ZNF207: variants seen among roughly 807,000 people sequenced by gnomAD.
ZNF207 encodes BUB3-interacting and GLEBS motif-containing protein ZNF207.
ZNF207 carries 24 observed loss-of-function variants against 60.2 expected under a neutral mutation model. The ratio of observed to expected loss-of-function variants is 0.40; its 90% confidence interval spans 0.29 to 0.56. The LOEUF (loss-of-function observed/expected upper bound fraction) is 0.56, where lower values mean the gene tolerates loss of function less well. ZNF207 is among the 20% of genes least tolerant of loss of function. The probability of loss-of-function intolerance (pLI) is 0.49; values close to 1 mark genes in which losing one functional copy is unlikely to be tolerated. For missense variants in ZNF207, 452 were observed against 636.6 expected, an observed-to-expected ratio of 0.71 and a Z score of 3.12; for synonymous variants, 236 against 194.7, an observed-to-expected ratio of 1.21 and a Z score of -1.77.
chr17:32,354,727 C>T (rs1226795960), intron 2 of ZNF207, among the ~76,000 whole-genome samples: 1 of 152,086 alleles, frequency 6.6e-6, no homozygotes, highest in African/African-American at 2.4e-5. Flanking sequence ...AATTCTCCTG[C>T]CTCAGCCTCT....
chr17:32,358,282 TA>T (rs1415687404), intron 2 of ZNF207, among the ~76,000 whole-genome samples: 1 of 152,176 alleles, frequency 6.6e-6, no homozygotes, highest in Non-Finnish European at 1.5e-5. Flanking sequence ...TATTTAATCC[TA>T]AAAACAACTC....
Position 32,360,638 on chromosome 17 carries a change from T to C in ZNF207, c.348T>C (p.Tyr116=). The C allele has an allele frequency of 6.2e-7, 1 of 1,613,420 alleles. No homozygotes were observed. Among genetic ancestry groups the C allele is most frequent in the East Asian group, 2.2e-5 (1 of 44,884 alleles). Residue 116 remains tyrosine, a synonymous_variant, in exon 4 of 12, where the codon TAT becomes TAC. Transcript: ENST00000394670. ...AGCAACAAGATGATTCTGATGAATATGATGATGACGACTCTGCAGCCTCAA... is the reference window on the plus strand; with the variant it reads ...AGCAACAAGATGATTCTGATGAATACGATGATGACGACTCTGCAGCCTCAA... ...KKKQQDDSDE[Y]DDDDSAASTS...
intron 1 of ZNF207, chr17:32,350,854 T>C (rs1425913167): frequency 6.6e-6 from 1 of 151,734 alleles, no homozygotes; most frequent in Non-Finnish European, 1.5e-5. Flanking sequence ...TTTTTTTTTT[T>C]TCTTTTCGGG....
intron 2 of ZNF207, among the ~76,000 whole-genome samples, chr17:32,358,078 C>T (rs528996313): frequency 2.6e-5 from 4 of 152,326 alleles, no homozygotes; most frequent in African/African-American, 9.6e-5. Flanking sequence ...CCTCGCCTGG[C>T]TATATTCTAA....
rs1905527349 is a variant in ZNF207 at position 32,372,703 on chromosome 17, T to TA, written c.*2945dup. On this transcript the variant is annotated 3_prime_UTR_variant, in exon 12 of 12. Coordinates refer to ENST00000394670, the MANE Select transcript of ZNF207 (RefSeq NM_001098507.2). ...CAAACGTAATTAAGCTTCTAGAAAA[T>TA]ACCTTTTTTCTAAATGCTTCTGGGG... is the stretch of plus-strand genomic sequence containing the variant. 3 of 152,184 alleles carry TA rather than the reference T, an allele frequency of 2.0e-5. No homozygotes were observed. The highest frequency in any genetic ancestry group is 2.0e-4 in the Admixed American group (3 of 15,274). The allele number at this position is 152,184 out of a possible 1,614,324, so 9.4% of individuals were successfully genotyped here.
rs770088486 is a variant in ZNF207, at chr17:32,375,971, TTC to T, written c.*6214_*6215del. On this transcript the variant is annotated 3_prime_UTR_variant, in exon 12 of 12. Coordinates refer to ENST00000394670, the MANE Select transcript of ZNF207 (RefSeq NM_001098507.2). The stretch of plus-strand genomic sequence containing the variant: ...AGAAACCCTTTCTCAGTATTTTAAT[TTC>T]TGTCATTGAATCATTTAAATAATAA... 3.3e-5 allele frequency: 5 copies of T among 152,096 alleles called. No individual in the cohort carries two copies. Among genetic ancestry groups the T allele is most frequent in the Non-Finnish European group, 7.4e-5 (5 of 67,916 alleles). 9.4% of individuals were successfully genotyped at this position (152,096 alleles called of 1,614,324 possible). A position where few individuals can be genotyped will look rare whatever the true frequency, so the allele number is the denominator to read the frequency against.
At chr17:32,351,613 C>G in intron 1 of ZNF207, 173 bp from the exon 2 acceptor site, 18 of 1,540,174 alleles carry the variant, frequency 1.2e-5, no homozygotes, top group Non-Finnish European at 1.6e-5. Flanking sequence ...ATTGAAAATA[C>G]TGAAATAACA....
At chr17:32,367,249 A>AT (rs1398857565) in intron 9 of ZNF207, among the ~76,000 whole-genome samples, 4 of 84,104 alleles carry the variant, frequency 4.8e-5, no homozygotes, top group Non-Finnish European at 9.4e-5. Flanking sequence ...TTATATATAT[A>AT]TATATATATA....
chr17:32,357,761 G>A (rs996744302), intron 2 of ZNF207, among the ~76,000 whole-genome samples: 2 of 151,964 alleles, frequency 1.3e-5, no homozygotes, highest in East Asian at 1.9e-4. Context: ...TCAGCCTGTC[G>A]AGTGACTGGG....
intron 3 of ZNF207, among the ~76,000 whole-genome samples, chr17:32,359,461 T>G (rs1904733483): frequency 6.6e-6 from 1 of 152,158 alleles, no homozygotes; most frequent in Non-Finnish European, 1.5e-5. Flanking sequence ...TTGGTCAGGC[T>G]GGTCTCAAAC....
intron 7 of ZNF207, among the ~76,000 whole-genome samples, chr17:32,365,110 A>G (rs1279420975): frequency 6.6e-6 from 1 of 152,246 alleles, no homozygotes; most frequent in African/African-American, 2.4e-5. Context: ...TTGCCCATGC[A>G]GCAGGGTCTA....
intron 11 of ZNF207, 25 bp from the exon 12 acceptor site, chr17:32,369,574 T>C: frequency 6.4e-7 from 1 of 1,563,360 alleles, no homozygotes; most frequent in Middle Eastern, 1.7e-4. Flanking sequence ...ATCTATTTTT[T>C]TGTGTTTGAA....
intron 7 of ZNF207, among the ~76,000 whole-genome samples, chr17:32,364,707 G>T (rs1239502772): frequency 6.6e-6 from 1 of 152,142 alleles, no homozygotes; most frequent in African/African-American, 2.4e-5. Context: ...CATATTTAGA[G>T]TACTGAAATG....
Position 32,379,319 on chromosome 17 carries a change from A to G in ZNF207, c.*9560A>G, listed in dbSNP as rs1905794879. 1.3e-5 allele frequency: 2 copies of G among 152,094 alleles called. No homozygotes were observed. Among genetic ancestry groups the G allele is most frequent in the South Asian group, 4.1e-4 (2 of 4,832 alleles). The allele number at this position is 152,094 out of a possible 1,614,324, so 9.4% of individuals were successfully genotyped here. A position where few individuals can be genotyped will look rare whatever the true frequency, so the allele number is the denominator to read the frequency against. Reference sequence around the variant, plus strand: ...GCACTCTGAATTTCTACATCTTTGGATATTACTTGAATCAAGAATATTAGA... The same window carrying G: ...GCACTCTGAATTTCTACATCTTTGGGTATTACTTGAATCAAGAATATTAGA... On this transcript the variant is annotated 3_prime_UTR_variant, in exon 12 of 12. Coordinates refer to ENST00000394670, the MANE Select transcript of ZNF207 (RefSeq NM_001098507.2).
At chr17:32,361,346 T>C (rs1426338366) in intron 5 of ZNF207, 122 bp from the exon 6 acceptor site, 5 of 710,384 alleles carry the variant, frequency 7.0e-6, no homozygotes, top group African/African-American at 1.8e-5. Context: ...AAAATGAATA[T>C]GAGGTGCTTG....
At chr17:32,359,315 G>A (rs1904725409) in intron 3 of ZNF207, among the ~76,000 whole-genome samples, 1 of 152,110 alleles carries the variant, frequency 6.6e-6, no homozygotes, top group Admixed American at 6.5e-5. Context: ...GTTTCACCAT[G>A]TTGGTCAGGC....
chr17:32,360,884 G>T lies in ZNF207; in HGVS notation c.476-8G>T, dbSNP rs756656255. The T allele has an allele frequency of 4.3e-6, 7 of 1,613,772 alleles. No individual in the cohort carries two copies. The East Asian group carries it at 1.6e-4, about 36-fold the overall frequency. Reference sequence around the variant, plus strand: ...TGTTATTATTTTGATTGAAATTCTTGCTTGTAGGCATACCTCCATTAATGC... The same window carrying T: ...TGTTATTATTTTGATTGAAATTCTTTCTTGTAGGCATACCTCCATTAATGC... On this transcript the variant is annotated splice_polypyrimidine_tract_variant and splice_region_variant and intron_variant, in intron 4 of 11. Coordinates refer to ENST00000394670, the MANE Select transcript of ZNF207 (RefSeq NM_001098507.2).
At chr17:32,361,548 G>A (rs747249200) in intron 6 of ZNF207, 33 bp downstream of exon 6, 8 of 1,569,658 alleles carry the variant, frequency 5.1e-6, no homozygotes, top group South Asian at 2.4e-5. Flanking sequence ...AATTCAGGAG[G>A]TATAATCATA....
intron 8 of ZNF207, 66 bp from the exon 9 acceptor site, chr17:32,366,599 C>T (rs1905173937): frequency 7.4e-7 from 1 of 1,359,494 alleles, no homozygotes; most frequent in African/African-American, 1.5e-5. Context: ...AAAAAGTCTA[C>T]CACATGGCTT....
Sources: gnomAD v4.1 joint callset for allele counts (sites outside exome capture counted in the v4.1 genomes callset) on GRCh38, gnomAD v4.1.1 for gene constraint, MANE v1.5 for transcripts, NCBI Gene and HGNC (gene_info 2026-07-23, HGNC 2026-07-21) for gene names.